KIF6: variants seen among roughly 807,000 people sequenced by gnomAD.
KIF6 encodes the protein kinesin family member 6, also known as kinesin-like protein KIF6.
A neutral mutation model predicts 112.7 loss-of-function variants in KIF6; 106 were observed. That is an observed-to-expected ratio of 0.94 (90% confidence interval 0.80 to 1.11). The LOEUF is 1.11. Ranked by LOEUF, KIF6 falls within the 50% of genes least tolerant of loss-of-function variation. The pLI is 0.00. For missense variants in KIF6, 929 were observed against 964.0 expected (o/e 0.96, Z 0.48); for synonymous variants, 339 against 339.9 (o/e 1.00, Z 0.03).
At chr6:39,592,397 T>C (rs1198854617) in intron 7 of KIF6, among the ~76,000 whole-genome samples, 1 of 152,220 alleles carries the variant, frequency 6.6e-6, no homozygotes, top group East Asian at 1.9e-4. Context: ...AGTGTTACAA[T>C]TGGCACTGAC....
At chr6:39,421,503 A>G (rs1770358148) in intron 14 of KIF6, among the ~76,000 whole-genome samples, 1 of 152,198 alleles carries the variant, frequency 6.6e-6, no homozygotes, top group South Asian at 2.1e-4. Flanking sequence ...TGTTGGAGGA[A>G]GTGAGCAGAG....
intron 3 of KIF6, among the ~76,000 whole-genome samples, chr6:39,654,889 C>T (rs982303582): frequency 6.6e-6 from 1 of 152,110 alleles, no homozygotes; most frequent in African/African-American, 2.4e-5. Context: ...ATAAATGTAT[C>T]GTTTATTTAA....
At chr6:39,561,176 T>C (rs11758868) in intron 10 of KIF6, among the ~76,000 whole-genome samples, 38,575 of 152,078 alleles carry the variant, frequency 0.25, 6,078 homozygotes, top group African/African-American at 0.43. Flanking sequence ...AAAAAGTACC[T>C]AAGCAAGAGT....
At chr6:39,576,565 A>T (rs2150634304) in intron 10 of KIF6, among the ~76,000 whole-genome samples, 1 of 152,244 alleles carries the variant, frequency 6.6e-6, no homozygotes, top group East Asian at 1.9e-4. Flanking sequence ...TGAAAGGGGG[A>T]CGTGAGAGAA....
chr6:39,405,854 C>A (rs1475397940), intron 15 of KIF6, among the ~76,000 whole-genome samples: 2 of 152,080 alleles, frequency 1.3e-5, no homozygotes, highest in African/African-American at 4.8e-5. Context: ...AATTCAATTC[C>A]TTTAGTAGAT....
In KIF6 at chr6:39,337,150, CT is replaced by C. The variant is rs1307466358; in HGVS notation, c.2429-603del. Among the ~76,000 whole-genome samples, 9 of 63,194 alleles carry C rather than the reference CT, an allele frequency of 1.4e-4. 1 individual carries two copies. The highest frequency in any genetic ancestry group is 2.1e-4 in the Non-Finnish European group (7 of 33,444). 41.5% of individuals were successfully genotyped at this position (63,194 alleles called of 152,430 possible). A position where few individuals can be genotyped will look rare whatever the true frequency, so the allele number is the denominator to read the frequency against. On this transcript the variant is annotated intron_variant, in intron 22 of 22. Transcript: ENST00000287152. ...TTTCCTCCTTCCTTCCTTCCTTTCT[CT>C]TTCTTTTCTTTCTTTCCTTCCTTCT... is the stretch of plus-strand genomic sequence containing the variant.
chr6:39,354,696 C>T (rs2150245076), intron 19 of KIF6, among the ~76,000 whole-genome samples: 1 of 152,260 alleles, frequency 6.6e-6, no homozygotes, highest in Middle Eastern at 3.4e-3. Context: ...GAGAGAGTGG[C>T]CCACAGCAAG....
At chr6:39,470,341 T>C (rs2150438543) in intron 13 of KIF6, among the ~76,000 whole-genome samples, 1 of 152,282 alleles carries the variant, frequency 6.6e-6, no homozygotes, top group East Asian at 1.9e-4. Flanking sequence ...ACAATGTGAT[T>C]AAGTGCAACT....
intron 13 of KIF6, among the ~76,000 whole-genome samples, chr6:39,502,272 T>C (rs1214092882): frequency 1.3e-5 from 2 of 152,030 alleles, no homozygotes; most frequent in Non-Finnish European, 2.9e-5. Context: ...AGATCCTTTT[T>C]AGACAAGCAA....
intron 13 of KIF6, among the ~76,000 whole-genome samples, chr6:39,517,219 T>C (rs544642792): frequency 6.6e-6 from 1 of 152,152 alleles, no homozygotes; most frequent in Non-Finnish European, 1.5e-5. Flanking sequence ...CAAATGACAC[T>C]GTAACTTAGG....
At chr6:39,383,476 G>A (rs1282742697) in intron 16 of KIF6, among the ~76,000 whole-genome samples, 1 of 152,152 alleles carries the variant, frequency 6.6e-6, no homozygotes, top group African/African-American at 2.4e-5. Context: ...TTGTAGGTGT[G>A]CAGCTTTATT....
chr6:39,523,165 T>G (rs1319207904), intron 13 of KIF6, among the ~76,000 whole-genome samples: 2 of 152,146 alleles, frequency 1.3e-5, no homozygotes, highest in African/African-American at 4.8e-5. Flanking sequence ...TCATCTTACC[T>G]CCATTCTAAT....
At chr6:39,377,093 T>C (rs1206704142) in intron 16 of KIF6, among the ~76,000 whole-genome samples, 4 of 152,166 alleles carry the variant, frequency 2.6e-5, no homozygotes, top group Non-Finnish European at 4.4e-5. Flanking sequence ...TTTTATTTTT[T>C]TAAATTTGCT....
chr6:39,342,620 TA>T lies in KIF6; in HGVS notation c.2428+1088del, dbSNP rs57577740. ...TTTTTTATTTTTTTTTATTTTTTTT[TA>T]TTTTTTTTTATTTTTAGACAAGGAA... is the stretch of plus-strand genomic sequence containing the variant. On this transcript the variant is annotated intron_variant, in intron 22 of 22. Transcript: ENST00000287152. The surrounding 1 kb of genome is among the most constrained non-coding windows in gnomAD (Gnocchi z 4.7). Among the ~76,000 whole-genome samples, 15,756 of 119,756 alleles carry T rather than the reference TA, an allele frequency of 0.13. 2,444 individuals carry two copies. The highest frequency in any genetic ancestry group is 0.3 in the African/African-American group (7,680 of 26,016). 78.6% of individuals were successfully genotyped at this position (119,756 alleles called of 152,430 possible). A position where few individuals can be genotyped will look rare whatever the true frequency, so the allele number is the denominator to read the frequency against.
chr6:39,685,853 T>A (rs1787835078), intron 3 of KIF6, among the ~76,000 whole-genome samples: 1 of 152,228 alleles, frequency 6.6e-6, no homozygotes, highest in Non-Finnish European at 1.5e-5. Flanking sequence ...TAGAAAAACT[T>A]CTACTCCTAT....
chr6:39,489,812 GA>G (rs1320319985), intron 13 of KIF6, among the ~76,000 whole-genome samples: 2 of 152,144 alleles, frequency 1.3e-5, no homozygotes, highest in Non-Finnish European at 2.9e-5. Flanking sequence ...ATTTCAAAAA[GA>G]AAAATTAAGG....
chr6:39,512,649 G>A (rs1776847990), intron 13 of KIF6, among the ~76,000 whole-genome samples: 1 of 152,094 alleles, frequency 6.6e-6, no homozygotes. Context: ...CAGTTTCTTT[G>A]CTAATTGCTT....
At chr6:39,634,737 C>A (rs1784534271) in intron 5 of KIF6, 112 bp downstream of exon 5, 2 of 738,742 alleles carry the variant, frequency 2.7e-6, no homozygotes, top group East Asian at 2.6e-5. Context: ...TACGGTTATC[C>A]AGTATTTGCT....
intron 7 of KIF6, among the ~76,000 whole-genome samples, chr6:39,591,684 T>C (rs967652574): frequency 5.9e-5 from 9 of 152,164 alleles, no homozygotes; most frequent in African/African-American, 2.2e-4. Context: ...ATGTAAAACT[T>C]TGGAATGACC....
Sources: allele counts gnomAD v4.1 joint callset (sites outside exome capture counted in the v4.1 genomes callset), GRCh38; gene constraint gnomAD v4.1.1; non-coding constraint Gnocchi (gnomAD v3.1); transcripts MANE v1.5; gene names NCBI Gene and HGNC (gene_info 2026-07-23, HGNC 2026-07-21).